Variants in INSL6 observed in about 807,000 individuals in gnomAD.
INSL6 encodes the protein insulin-like peptide INSL6.
A neutral mutation model predicts 9.4 loss-of-function variants in INSL6; 16 were observed. The ratio of observed to expected loss-of-function variants is 1.70; its 90% CI spans 1.15 to 2.59. The LOEUF (loss-of-function observed/expected upper bound fraction) is 2.59. Among genes scored for constraint, INSL6 ranks in the 30% most tolerant of loss-of-function variants. The probability of loss-of-function intolerance (pLI) is 0.00; values close to 1 mark genes in which losing one functional copy is unlikely to be tolerated. For missense variants in INSL6, 391 were observed against 257.3 expected (o/e 1.52, Z -3.56); for synonymous variants, 154 against 96.9 (o/e 1.59, Z -3.46).
chr9:5,038,065 C>G, the INSL6 span, among the ~76,000 whole-genome samples: 1 of 152,110 alleles, frequency 6.6e-6, no homozygotes, highest in South Asian at 2.1e-4. Context: ...ATTCTTATAA[C>G]TAGTGATGCT....
the INSL6 span, chr9:5,086,108 G>C: frequency 6.1e-6 from 3 of 488,938 alleles, no homozygotes; most frequent in South Asian, 6.9e-5. Flanking sequence ...GAGCCTGCGC[G>C]GGCATCGGCA....
chr9:5,051,646 A>G, the INSL6 span, among the ~76,000 whole-genome samples: 179 of 152,298 alleles, frequency 1.2e-3, no homozygotes, highest in African/African-American at 4.2e-3. Context: ...AGGTATATAT[A>G]AGAATGGTTT....
intron 2 of INSL6, among the ~76,000 whole-genome samples, chr9:5,136,226 T>A (rs535567118): frequency 6.6e-6 from 1 of 152,164 alleles, no homozygotes; most frequent in Admixed American, 6.5e-5. Flanking sequence ...TCTGAAAGTA[T>A]TCCAAACAAT....
At chr9:5,073,793 A>C in the INSL6 span, 2 of 1,558,980 alleles carry the variant, frequency 1.3e-6, no homozygotes, top group Non-Finnish European at 1.8e-6. Flanking sequence ...AGAGTAAGTA[A>C]AACTACAGGC....
At chr9:5,074,125 A>C in the INSL6 span, among the ~76,000 whole-genome samples, 5 of 152,136 alleles carry the variant, frequency 3.3e-5, no homozygotes, top group Non-Finnish European at 7.4e-5. Context: ...ACTTATCTGG[A>C]ATTATGAAGA....
chr9:5,001,971 C>T, the INSL6 span, among the ~76,000 whole-genome samples: 1 of 152,024 alleles, frequency 6.6e-6, no homozygotes, highest in East Asian at 1.9e-4. Flanking sequence ...GAAGTTGCTC[C>T]TATCTTTTTA....
At chr9:5,104,241 G>T in the INSL6 span, among the ~76,000 whole-genome samples, 1 of 152,128 alleles carries the variant, frequency 6.6e-6, no homozygotes, top group African/African-American at 2.4e-5. Context: ...TATCACCACC[G>T]ATCCCACAGA....
the INSL6 span, among the ~76,000 whole-genome samples, chr9:5,078,869 T>TA: frequency 6.6e-6 from 1 of 152,210 alleles, no homozygotes; most frequent in Admixed American, 6.5e-5. Context: ...TCTGACTTTT[T>TA]AAAACCTTAA....
the INSL6 span, among the ~76,000 whole-genome samples, chr9:5,084,134 CTAAG>C: frequency 1.3e-5 from 2 of 152,028 alleles, no homozygotes; most frequent in African/African-American, 2.4e-5. Flanking sequence ...TGAAGAGACT[CTAAG>C]GAAGGCGTTT....
At chr9:5,070,156 A>G in the INSL6 span, 1 of 702,938 alleles carries the variant, frequency 1.4e-6, no homozygotes, top group Non-Finnish European at 2.1e-6. Flanking sequence ...GTTATATACA[A>G]ATTTAGTTGT....
the INSL6 span, among the ~76,000 whole-genome samples, chr9:5,010,946 A>G: frequency 6.6e-6 from 1 of 152,082 alleles, no homozygotes; most frequent in Non-Finnish European, 1.5e-5. Context: ...CCCTCTCCCT[A>G]CCAGTACTTT....
the INSL6 span, chr9:5,064,937 G>A: frequency 6.2e-7 from 1 of 1,600,040 alleles, no homozygotes; most frequent in Non-Finnish European, 8.5e-7. Context: ...ATTAATTGAT[G>A]GATATTATAG....
the INSL6 span, chr9:5,086,220 CGGTCG>C: frequency 1.7e-6 from 1 of 600,576 alleles, no homozygotes. Flanking sequence ...CGCGAGGCCA[CGGTCG>C]GAGTCTGAAA....
chr9:5,105,422 A>G, the INSL6 span, among the ~76,000 whole-genome samples: 1 of 152,348 alleles, frequency 6.6e-6, no homozygotes, highest in Non-Finnish European at 1.5e-5. Context: ...AGAGGACACA[A>G]ACAAATGGAA....
At chr9:5,070,311 T>A in the INSL6 span, among the ~76,000 whole-genome samples, 2 of 152,024 alleles carry the variant, frequency 1.3e-5, no homozygotes, top group African/African-American at 4.8e-5. Context: ...AAATTAAAAA[T>A]TAAAAATCTA....
chr9:5,087,566 C>T, the INSL6 span, among the ~76,000 whole-genome samples: 1 of 152,128 alleles, frequency 6.6e-6, no homozygotes, highest in African/African-American at 2.4e-5. Flanking sequence ...TCTTCATCTC[C>T]TTCTTCCATA....
chr9:5,008,613 G>A, the INSL6 span, among the ~76,000 whole-genome samples: 1 of 152,134 alleles, frequency 6.6e-6, no homozygotes, highest in African/African-American at 2.4e-5. Flanking sequence ...TATATGTGTG[G>A]GTAAAAGCTC....
the INSL6 span, among the ~76,000 whole-genome samples, chr9:5,039,181 A>C: frequency 6.6e-6 from 1 of 152,094 alleles, no homozygotes; most frequent in East Asian, 1.9e-4. Flanking sequence ...AAAAAGAAAT[A>C]AAAGGCATTT....
At chr9:5,012,600 A>G in the INSL6 span, among the ~76,000 whole-genome samples, 54 of 152,316 alleles carry the variant, frequency 3.5e-4, 1 homozygote, top group East Asian at 8.7e-3. Context: ...CGTATGTATA[A>G]TAAAATAATT....
Sources: gnomAD v4.1 joint callset for allele counts (sites outside exome capture counted in the v4.1 genomes callset) on GRCh38, gnomAD v4.1.1 for gene constraint, MANE v1.5 for transcripts, NCBI Gene and HGNC (gene_info 2026-07-23, HGNC 2026-07-21) for gene names.